TMEM132D: variants seen among roughly 807,000 people sequenced by gnomAD.
TMEM132D encodes the protein mature OL transmembrane protein.
TMEM132D carries 21 observed loss-of-function variants against 62.3 expected under a neutral mutation model. That is an observed-to-expected ratio of 0.34 (90% CI 0.24 to 0.49). TMEM132D has a LOEUF of 0.49. Among genes scored for constraint, TMEM132D ranks in the 20% least tolerant of loss-of-function variants. The pLI is 0.99. For synonymous variants in TMEM132D, 621 were observed against 575.6 expected (o/e 1.08, Z -1.13); for missense variants, 1,346 against 1,402.8 (o/e 0.96, Z 0.65).
At chr12:129,747,253 G>A (rs1463550428) in intron 1 of TMEM132D, among the ~76,000 whole-genome samples, 1 of 34,046 alleles carries the variant, frequency 2.9e-5, no homozygotes, top group East Asian at 8.3e-4. Flanking sequence ...CCCGGGCGGG[G>A]CAGCTGCCAG....
At position 129,699,803 on chromosome 12, in the gene TMEM132D, G is replaced by A. The variant is rs2137225082; in HGVS notation, c.968+7C>T. On this transcript the variant is annotated splice_region_variant and intron_variant, in intron 2 of 8. Transcript: ENST00000422113. ...CGGGTACAGACAGACATTGGGAAACGACTTACCTCAACGTGAAGCGATCTT... is the reference window on the plus strand; with the variant it reads ...CGGGTACAGACAGACATTGGGAAACAACTTACCTCAACGTGAAGCGATCTT... 2 of 1,613,104 alleles carry A rather than the reference G, an allele frequency of 1.2e-6. No individual in the cohort carries two copies. The highest frequency in any genetic ancestry group is 2.2e-5 in the East Asian group (1 of 44,862).
intron 4 of TMEM132D, among the ~76,000 whole-genome samples, chr12:129,243,094 A>G (rs1879979190): frequency 6.6e-6 from 1 of 152,256 alleles, no homozygotes; most frequent in African/African-American, 2.4e-5. Flanking sequence ...CTCCAACACA[A>G]GGCAAAGCAA....
rs561224681 is a variant in TMEM132D, at chr12:129,738,595, T to C, written c.80-37897A>G. The stretch of plus-strand genomic sequence containing the variant: ...AGACACACTGTAAAACTTCACTCTC[T>C]TTTGGGGGAGGAAATTGGAAATCTA... On this transcript the variant is annotated intron_variant, in intron 1 of 8. Transcript: ENST00000422113. 7.9e-5 allele frequency among the ~76,000 whole-genome samples: 12 copies of C among 152,230 alleles called. No individual in the cohort carries two copies. The South Asian group carries it at 1.2e-3, about 16-fold the overall frequency.
intron 3 of TMEM132D, among the ~76,000 whole-genome samples, chr12:129,437,035 TC>T (rs1872805247): frequency 6.6e-6 from 1 of 152,212 alleles, no homozygotes; most frequent in Non-Finnish European, 1.5e-5. Context: ...TTCCTTTTCA[TC>T]ATAAAACCTC....
chr12:129,193,441 C>T (rs1475492845), intron 5 of TMEM132D, among the ~76,000 whole-genome samples: 1 of 152,162 alleles, frequency 6.6e-6, no homozygotes, highest in East Asian at 1.9e-4. Flanking sequence ...CCAGAAGGTG[C>T]TATGCCTGCA....
intron 3 of TMEM132D, among the ~76,000 whole-genome samples, chr12:129,509,678 A>G (rs1875441334): frequency 2.0e-5 from 3 of 152,068 alleles, no homozygotes; most frequent in African/African-American, 7.2e-5. Context: ...CATGAGCTCA[A>G]TTGTTTTGAT....
At chr12:129,874,891 G>A (rs1356709256) in intron 1 of TMEM132D, among the ~76,000 whole-genome samples, 5 of 151,836 alleles carry the variant, frequency 3.3e-5, no homozygotes, top group Non-Finnish European at 2.9e-5. Context: ...GTAGAGACGG[G>A]GTCTAGAACT....
At chr12:129,609,084 G>C (rs1007807802) in intron 2 of TMEM132D, among the ~76,000 whole-genome samples, 1 of 151,918 alleles carries the variant, frequency 6.6e-6, no homozygotes, top group African/African-American at 2.4e-5. Context: ...GCAATTGCAG[G>C]TGCCCACCAA....
Position 129,444,979 on chromosome 12 carries a change from G to C in TMEM132D, c.1115+86080C>G, listed in dbSNP as rs971934446. Reference sequence around the variant, plus strand: ...ATTTGACCCAGAAATCCCATTACTAGGTATATACACAGATAAATGTAAATT... The same window carrying C: ...ATTTGACCCAGAAATCCCATTACTACGTATATACACAGATAAATGTAAATT... On this transcript the variant is annotated intron_variant, in intron 3 of 8. Coordinates refer to ENST00000422113, the MANE Select transcript of TMEM132D (RefSeq NM_133448.3). Among the ~76,000 whole-genome samples, 42 of 152,210 alleles carry C rather than the reference G, an allele frequency of 2.8e-4. 1 individual carries two copies. The highest frequency in any genetic ancestry group is 2.6e-3 in the Admixed American group (40 of 15,286).
At chr12:129,879,588 T>C (rs573526122) in intron 1 of TMEM132D, among the ~76,000 whole-genome samples, 1 of 152,128 alleles carries the variant, frequency 6.6e-6, no homozygotes, top group South Asian at 2.1e-4. Flanking sequence ...CAGGAGACGA[T>C]GGTGGAAAAG....
At chr12:129,615,380 T>C (rs1418928221) in intron 2 of TMEM132D, among the ~76,000 whole-genome samples, 2 of 152,000 alleles carry the variant, frequency 1.3e-5, no homozygotes, top group Non-Finnish European at 2.9e-5. Context: ...GGTTTTCAGT[T>C]CATCGTCACA....
intron 2 of TMEM132D, among the ~76,000 whole-genome samples, chr12:129,665,198 G>A (rs79960449): frequency 8.6e-5 from 13 of 150,970 alleles, no homozygotes; most frequent in South Asian, 8.4e-4. Flanking sequence ...GGGAGCAGGT[G>A]GGGGGGGCAT....
chr12:129,455,935 G>A (rs1194869245), intron 3 of TMEM132D, among the ~76,000 whole-genome samples: 1 of 152,134 alleles, frequency 6.6e-6, no homozygotes, highest in Non-Finnish European at 1.5e-5. Context: ...GTGAAGAATA[G>A]ACTCAAGAGG....
intron 2 of TMEM132D, among the ~76,000 whole-genome samples, chr12:129,532,476 C>G (rs979932795): frequency 6.6e-6 from 1 of 152,188 alleles, no homozygotes; most frequent in Admixed American, 6.5e-5. Flanking sequence ...TGAGAAAAAG[C>G]AGGACACGTC....
chr12:129,819,739 T>G (rs910953196), intron 1 of TMEM132D, among the ~76,000 whole-genome samples: 2 of 152,178 alleles, frequency 1.3e-5, no homozygotes, highest in African/African-American at 4.8e-5. Context: ...GCTGTTCGTG[T>G]TATTATTCCT....
At chr12:129,239,299 G>A (rs1879870194) in intron 4 of TMEM132D, among the ~76,000 whole-genome samples, 1 of 152,082 alleles carries the variant, frequency 6.6e-6, no homozygotes, top group Non-Finnish European at 1.5e-5. Flanking sequence ...ATGTCACAAA[G>A]CTTTTTCGTT....
At chr12:129,619,218 T>C (rs1338679059) in intron 2 of TMEM132D, among the ~76,000 whole-genome samples, 1 of 152,194 alleles carries the variant, frequency 6.6e-6, no homozygotes, top group Non-Finnish European at 1.5e-5. Flanking sequence ...TGAAATGCCC[T>C]TGGCCAAGAG....
At chr12:129,229,050 G>T (rs1173283663) in intron 4 of TMEM132D, among the ~76,000 whole-genome samples, 2 of 152,158 alleles carry the variant, frequency 1.3e-5, no homozygotes, top group Admixed American at 1.3e-4. Context: ...CTCCGGGAGG[G>T]TCTGAATCCA....
chr12:129,353,576 C>T (rs1869943053), intron 3 of TMEM132D, among the ~76,000 whole-genome samples: 2 of 152,006 alleles, frequency 1.3e-5, no homozygotes, highest in Admixed American at 1.3e-4. Flanking sequence ...GGCAGCATTG[C>T]AGTTGAGATT....
Sources: allele counts gnomAD v4.1 joint callset (sites outside exome capture counted in the v4.1 genomes callset), GRCh38; gene constraint gnomAD v4.1.1; transcripts MANE v1.5; gene names NCBI Gene and HGNC (gene_info 2026-07-23, HGNC 2026-07-21).